The following TSPEAR variants were observed in gnomAD, a reference collection of about 807,000 sequenced individuals.
TSPEAR encodes the protein thrombospondin type laminin G domain and EAR repeats.
A neutral mutation model predicts 71.6 loss-of-function variants in TSPEAR; 69 were observed. That is an observed-to-expected ratio of 0.96 (90% confidence interval 0.79 to 1.18). TSPEAR has a LOEUF of 1.18. Ranked by LOEUF, TSPEAR falls within the 50% of genes most tolerant of loss-of-function variation. The probability of loss-of-function intolerance (pLI) is 0.00; values close to 1 mark genes in which losing one functional copy is unlikely to be tolerated. For missense variants in TSPEAR, 971 were observed against 894.9 expected (o/e 1.09, Z -1.09); for synonymous variants, 402 against 387.2 (o/e 1.04, Z -0.45).
chr21:44,630,685 AGG>A (rs1555935553), intron 1 of TSPEAR, among the ~76,000 whole-genome samples: 1 of 119,992 alleles, frequency 8.3e-6, no homozygotes, highest in African/African-American at 3.5e-5. Context: ...CAGGAAGTGA[AGG>A]GGAAGTGAAG....
Position 44,612,373 on chromosome 21 carries a change from C to A in TSPEAR, c.83-44368G>T, listed in dbSNP as rs1428441587. 1 of 1,614,000 alleles carries A rather than the reference C, an allele frequency of 6.2e-7. No individual in the cohort carries two copies. The highest frequency in any genetic ancestry group is 8.5e-7 in the Non-Finnish European group (1 of 1,180,034). ...CCAGCCCCTGCCAATCAGGCTGCAC[C>A]GACTCCTGCACACCTTCATGCTGCC... On this transcript the variant is annotated intron_variant, in intron 1 of 11. Transcript: ENST00000323084. The surrounding 1 kb of genome is among the most constrained non-coding windows in gnomAD (Gnocchi z 4.1).
chr21:44,528,640 C>T lies in TSPEAR; in HGVS notation c.791-57G>A, dbSNP rs73379230. Reference sequence around the variant, plus strand: ...GCAAGCCAGTGCCCCCAAAGGAAGACGACACAGGAAGAGGCCCCCAAACCA... The same window carrying T: ...GCAAGCCAGTGCCCCCAAAGGAAGATGACACAGGAAGAGGCCCCCAAACCA... On this transcript the variant is annotated intron_variant, in intron 5 of 11. Transcript: ENST00000323084. 13,268 of 1,596,610 alleles carry T rather than the reference C, an allele frequency of 8.3e-3. 923 individuals carry two copies. The African/African-American group carries it at 0.15, about 18-fold the overall frequency.
At chr21:44,693,051 C>T (rs1212956033) in intron 1 of TSPEAR, among the ~76,000 whole-genome samples, 1 of 152,146 alleles carries the variant, frequency 6.6e-6, no homozygotes, top group Non-Finnish European at 1.5e-5. Flanking sequence ...CAGAAATAAA[C>T]TCATACATTT....
intron 9 of TSPEAR, chr21:44,517,985 A>G: frequency 2.6e-6 from 1 of 389,892 alleles, no homozygotes; most frequent in Non-Finnish European, 5.2e-6. Flanking sequence ...CCAGATACAG[A>G]CTCTCCTGGT....
At chr21:44,550,432 C>G (rs2053389185) in intron 2 of TSPEAR, 1 of 645,556 alleles carries the variant, frequency 1.5e-6, no homozygotes, top group Non-Finnish European at 2.7e-6. Flanking sequence ...GTCAGGAGGG[C>G]CCATCCCCAA....
At chr21:44,591,267 C>T (rs1979799476) in intron 1 of TSPEAR, 1 of 1,472,988 alleles carries the variant, frequency 6.8e-7, no homozygotes, top group Non-Finnish European at 9.0e-7. Flanking sequence ...ATCCTGGTCC[C>T]TAAGACAAAG....
At chr21:44,538,603 C>T (rs1426404639) in intron 2 of TSPEAR, among the ~76,000 whole-genome samples, 4 of 152,154 alleles carry the variant, frequency 2.6e-5, no homozygotes, top group South Asian at 2.1e-4. Flanking sequence ...CTCGGGCGGG[C>T]GGCACACAGG....
intron 1 of TSPEAR, chr21:44,575,221 C>T: frequency 1.6e-6 from 1 of 618,472 alleles, no homozygotes; most frequent in South Asian, 2.1e-5. Flanking sequence ...GTTCCCATGG[C>T]AGTGGCCTCC....
intron 1 of TSPEAR, chr21:44,678,032 A>C (rs1986402874): frequency 1.3e-6 from 1 of 785,300 alleles, no homozygotes; most frequent in African/African-American, 1.7e-5. Flanking sequence ...AACTTCCCAT[A>C]GAGACAACTC....
At chr21:44,686,112 G>A (rs1301218812) in intron 1 of TSPEAR, among the ~76,000 whole-genome samples, 1 of 152,098 alleles carries the variant, frequency 6.6e-6, no homozygotes, top group African/African-American at 2.4e-5. Context: ...GCTCCAGATG[G>A]CATTTGCAAC....
intron 1 of TSPEAR, among the ~76,000 whole-genome samples, chr21:44,622,509 T>G (rs1373440926): frequency 6.6e-6 from 1 of 152,222 alleles, no homozygotes; most frequent in Non-Finnish European, 1.5e-5. Context: ...GGGCCATGCT[T>G]TCTCTTAGCT....
chr21:44,582,300 A>G (rs1979033742), intron 1 of TSPEAR, among the ~76,000 whole-genome samples: 2 of 152,204 alleles, frequency 1.3e-5, no homozygotes. Flanking sequence ...AGTGAACCTG[A>G]CAACCGCGAG....
chr21:44,677,662 C>T, intron 1 of TSPEAR: 1 of 1,334,226 alleles, frequency 7.5e-7, no homozygotes, highest in Non-Finnish European at 1.1e-6. Context: ...ACTGTATCAC[C>T]TGCGGTTGCT....
chr21:44,579,366 T>G, intron 1 of TSPEAR: 1 of 266,524 alleles, frequency 3.8e-6, no homozygotes, highest in Non-Finnish European at 7.1e-6. Flanking sequence ...ACTTCTAGGT[T>G]AAGTCACTCA....
intron 1 of TSPEAR, among the ~76,000 whole-genome samples, chr21:44,707,223 C>T (rs1299485023): frequency 6.6e-6 from 1 of 152,126 alleles, no homozygotes; most frequent in Non-Finnish European, 1.5e-5. Context: ...GCCCTCCCCA[C>T]TCCTGCCGCT....
chr21:44,582,314 T>C (rs1310601243), intron 1 of TSPEAR, among the ~76,000 whole-genome samples: 1 of 152,186 alleles, frequency 6.6e-6, no homozygotes, highest in African/African-American at 2.4e-5. Flanking sequence ...CCGCGAGCTC[T>C]CACTCCTTTC....
At chr21:44,649,008 C>T (rs1167531899) in intron 1 of TSPEAR, among the ~76,000 whole-genome samples, 1 of 152,220 alleles carries the variant, frequency 6.6e-6, no homozygotes, top group African/African-American at 2.4e-5. Context: ...TCCCGGGGTG[C>T]CCCTCCTGTC....
Position 44,679,795 on chromosome 21 carries a change from C to T in TSPEAR, c.82+31638G>A, listed in dbSNP as rs370219531. Among the ~76,000 whole-genome samples, 43 of 152,272 alleles carry T rather than the reference C, an allele frequency of 2.8e-4. 1 individual carries two copies. The South Asian group carries it at 7.9e-3, about 28-fold the overall frequency. ...AAGAACATACAATAGAGAAAGGACA[C>T]CCCTTCAATAAATGGTGCTGGGAAA... On this transcript the variant is annotated intron_variant, in intron 1 of 11. Transcript: ENST00000323084.
intron 1 of TSPEAR, chr21:44,678,195 G>T (rs1235308793): frequency 6.9e-6 from 3 of 437,062 alleles, no homozygotes; most frequent in Non-Finnish European, 1.3e-5. Flanking sequence ...CACTCCTATT[G>T]ATATGGTTTG....
Sources: allele counts gnomAD v4.1 joint callset (sites outside exome capture counted in the v4.1 genomes callset), GRCh38; gene constraint gnomAD v4.1.1; non-coding constraint Gnocchi (gnomAD v3.1); transcripts MANE v1.5; gene names NCBI Gene and HGNC (gene_info 2026-07-23, HGNC 2026-07-21).